Variants in LRRC4C observed in about 807,000 individuals in gnomAD.
LRRC4C encodes leucine rich repeat containing 4C.
LRRC4C carries 5 observed loss-of-function variants against 33.6 expected under a neutral mutation model. The ratio of observed to expected loss-of-function variants is 0.15; its 90% CI spans 0.08 to 0.31. The LOEUF (loss-of-function observed/expected upper bound fraction) is 0.31, where lower values mean the gene tolerates loss of function less well. LRRC4C is among the 10% of genes least tolerant of loss of function. The pLI, the probability that LRRC4C is intolerant of heterozygous loss-of-function variation, is 1.00. For synonymous variants in LRRC4C, 329 were observed against 302.0 expected (o/e 1.09, Z -0.93); for missense variants, 560 against 796.7 (o/e 0.70, Z 3.58).
chr11:40,418,047 A>AC (rs1253800870), intron 3 of LRRC4C, among the ~76,000 whole-genome samples: 2 of 61,144 alleles, frequency 3.3e-5, no homozygotes, highest in African/African-American at 4.5e-5. Flanking sequence ...AGACAGCTGT[A>AC]AACTTCCTAC....
chr11:40,610,993 T>C (rs1216796115), intron 3 of LRRC4C, among the ~76,000 whole-genome samples: 1 of 151,870 alleles, frequency 6.6e-6, no homozygotes, highest in Non-Finnish European at 1.5e-5. Context: ...AAAATACCAA[T>C]GATTGTTTCT....
At chr11:41,046,672 G>A (rs1857797188) in intron 1 of LRRC4C, among the ~76,000 whole-genome samples, 1 of 152,080 alleles carries the variant, frequency 6.6e-6, no homozygotes, top group Admixed American at 6.6e-5. Flanking sequence ...TAATAAATCA[G>A]CCAAACATCC....
At chr11:40,319,903 T>C (rs1048925287) in intron 3 of LRRC4C, among the ~76,000 whole-genome samples, 182 bp from the exon 4 acceptor site, 7 of 152,082 alleles carry the variant, frequency 4.6e-5, no homozygotes, top group Non-Finnish European at 8.8e-5. Flanking sequence ...GGGTAAACTA[T>C]AGCAAATATG....
intron 1 of LRRC4C, among the ~76,000 whole-genome samples, chr11:41,396,131 C>T (rs1565639248): frequency 6.6e-6 from 1 of 151,856 alleles, no homozygotes; most frequent in East Asian, 1.9e-4. Context: ...CCCAGGGAAG[C>T]CAAAAGATTG....
At chr11:40,857,410 C>A (rs1953844682) in intron 2 of LRRC4C, among the ~76,000 whole-genome samples, 1 of 152,048 alleles carries the variant, frequency 6.6e-6, no homozygotes, top group Admixed American at 6.6e-5. Flanking sequence ...CATGTGTTCT[C>A]ATTGTTCAGC....
At chr11:41,274,957 T>C (rs1949436754) in intron 1 of LRRC4C, among the ~76,000 whole-genome samples, 1 of 152,068 alleles carries the variant, frequency 6.6e-6, no homozygotes, top group South Asian at 2.1e-4. Context: ...GGGAGATGTA[T>C]GGGTCATGGG....
At chr11:40,936,456 G>A (rs1219170220) in intron 1 of LRRC4C, among the ~76,000 whole-genome samples, 3 of 149,134 alleles carry the variant, frequency 2.0e-5, no homozygotes, top group Non-Finnish European at 3.0e-5. Flanking sequence ...TCCTGCCTCA[G>A]CCTCCCGAGT....
rs1334437723 is a variant in LRRC4C, at chr11:40,115,765, T to C, written c.528A>G (p.Arg176=). Residue 176 remains arginine, a synonymous_variant, in exon 7 of 7, where the codon CGA becomes CGG. Transcript: ENST00000528697. This position sits in a 1 kb window ranked among gnomAD's most constrained non-coding sequence, Gnocchi z 6.7. ...GTCTTTTCAATTCCCCTAAGTCTAG[T>C]CGGCGCAAAGAAGGAATTCTGTTAA... is the stretch of plus-strand genomic sequence containing the variant. The part of the protein sequence containing the change: ...YAFNRIPSLR[R]LDLGELKRLS... 1.2e-6 allele frequency: 2 copies of C among 1,614,156 alleles called. No individual in the cohort carries two copies. Among genetic ancestry groups the C allele is most frequent in the South Asian group, 2.2e-5 (2 of 91,084 alleles).
At chr11:40,989,098 C>G (rs1037649471) in intron 1 of LRRC4C, among the ~76,000 whole-genome samples, 3 of 152,144 alleles carry the variant, frequency 2.0e-5, no homozygotes. Flanking sequence ...CTCTGCCACA[C>G]CTTCCGTATA....
At position 41,442,114 on chromosome 11, in the gene LRRC4C, C is replaced by T. The variant is rs544594344; in HGVS notation, c.-496+17317G>A. On this transcript the variant is annotated intron_variant, in intron 1 of 6. Transcript: ENST00000528697. The stretch of plus-strand genomic sequence containing the variant: ...GCATAATTAATTTATTCATATGTTT[C>T]TTTTGTTTGACATGTAGGCTGATGC... Among the ~76,000 whole-genome samples, 61 of 152,048 alleles carry T rather than the reference C, an allele frequency of 4.0e-4. 1 individual carries two copies. Among genetic ancestry groups the T allele is most frequent in the Admixed American group, 7.2e-4 (11 of 15,270 alleles).
intron 6 of LRRC4C, among the ~76,000 whole-genome samples, chr11:40,137,745 T>TA (rs1219520282): frequency 6.6e-6 from 1 of 152,238 alleles, no homozygotes; most frequent in African/African-American, 2.4e-5. Flanking sequence ...TCCTTTTTCC[T>TA]AACCTATAAA....
At chr11:40,269,060 T>G (rs752862452) in intron 4 of LRRC4C, among the ~76,000 whole-genome samples, 9 of 152,208 alleles carry the variant, frequency 5.9e-5, no homozygotes, top group Non-Finnish European at 8.8e-5. Flanking sequence ...GAACCTTAGC[T>G]TACAGGCCTC....
chr11:40,733,810 C>T (rs1015051995), intron 2 of LRRC4C, among the ~76,000 whole-genome samples: 2 of 152,092 alleles, frequency 1.3e-5, no homozygotes, highest in Non-Finnish European at 2.9e-5. Context: ...TTCATTGTGA[C>T]CCTAAGACCC....
intron 3 of LRRC4C, among the ~76,000 whole-genome samples, chr11:40,586,328 T>C (rs980068841): frequency 1.3e-5 from 2 of 149,712 alleles, no homozygotes; most frequent in African/African-American, 5.0e-5. Flanking sequence ...GTTGTTTGTT[T>C]TTTTCTTGTA....
intron 2 of LRRC4C, among the ~76,000 whole-genome samples, chr11:40,678,142 T>C (rs1372444971): frequency 6.6e-6 from 1 of 152,060 alleles, no homozygotes; most frequent in Non-Finnish European, 1.5e-5. Context: ...TTTCTTTTTT[T>C]TTCAACTTTT....
chr11:40,629,827 A>G (rs745942444), intron 3 of LRRC4C, among the ~76,000 whole-genome samples: 1 of 152,316 alleles, frequency 6.6e-6, no homozygotes, highest in Non-Finnish European at 1.5e-5. Context: ...ACAAAAATAT[A>G]TATCTTTCTA....
intron 1 of LRRC4C, among the ~76,000 whole-genome samples, chr11:41,258,904 T>C (rs1162797335): frequency 6.6e-6 from 1 of 152,024 alleles, no homozygotes; most frequent in Non-Finnish European, 1.5e-5. Context: ...CCACTGTTTC[T>C]AGTACAAATA....
intron 1 of LRRC4C, among the ~76,000 whole-genome samples, chr11:41,115,903 G>T (rs1942097077): frequency 6.6e-6 from 1 of 151,966 alleles, no homozygotes; most frequent in Admixed American, 6.6e-5. Flanking sequence ...CAAGGTTTTT[G>T]GTTCTTAGAA....
intron 1 of LRRC4C, among the ~76,000 whole-genome samples, chr11:41,078,327 G>T (rs1302818488): frequency 3.9e-5 from 6 of 152,034 alleles, no homozygotes; most frequent in Non-Finnish European, 7.4e-5. Flanking sequence ...ACATTTTCAG[G>T]TATCTTTATG....
Sources: allele counts gnomAD v4.1 joint callset (sites outside exome capture counted in the v4.1 genomes callset), GRCh38; gene constraint gnomAD v4.1.1; non-coding constraint Gnocchi (gnomAD v3.1); transcripts MANE v1.5; gene names NCBI Gene and HGNC (gene_info 2026-07-23, HGNC 2026-07-21).